The following PCDHA5 variants were observed in gnomAD, a reference collection of about 807,000 sequenced individuals.
PCDHA5 encodes protocadherin alpha 5, also known as protocadherin alpha-5.
PCDHA5 carries 43 observed loss-of-function variants against 61.6 expected under a neutral mutation model. That is an observed-to-expected ratio of 0.70 (90% CI 0.55 to 0.90). The LOEUF is 0.90. PCDHA5 is among the 40% of genes least tolerant of loss of function. The probability of loss-of-function intolerance (pLI) is 0.00; values close to 1 mark genes in which losing one functional copy is unlikely to be tolerated. For missense variants in PCDHA5, 1,298 were observed against 1,222.7 expected, an observed-to-expected ratio of 1.06 and a Z score of -0.92; for synonymous variants, 627 against 543.9, an observed-to-expected ratio of 1.15 and a Z score of -2.13.
chr5:140,863,416 C>A, intron 1 of PCDHA5: 6 of 719,752 alleles, frequency 8.3e-6, no homozygotes, highest in African/African-American at 1.8e-5. Flanking sequence ...GCTGGTGTAC[C>A]GCAGCGTAGT....
chr5:140,822,326 A>C lies in PCDHA5; in HGVS notation c.551A>C (p.Asn184Thr). 2 of 1,614,186 alleles carry C rather than the reference A, an allele frequency of 1.2e-6. No homozygotes were observed. The highest frequency in any genetic ancestry group is 2.2e-5 in the East Asian group (1 of 44,890). ...NEYFDLDVKTNEEETNFLELV... is the reference protein window; with the variant it reads ...NEYFDLDVKTTEEETNFLELV... ...TATTTTGACTTAGATGTTAAAACAA[A>C]TGAAGAAGAAACGAACTTTTTAGAG... The change falls in exon 1 of 4, where the codon AAT becomes ACT. Residue 184 changes from asparagine (N) to threonine (T), a missense_variant. By Grantham distance (65) the Asn-to-Thr change is moderately conservative (BLOSUM62 0). Transcript: ENST00000529859.
chr5:140,853,712 G>A (rs2042842322), intron 1 of PCDHA5: 2 of 988,190 alleles, frequency 2.0e-6, no homozygotes, highest in Non-Finnish European at 2.4e-6. Flanking sequence ...ATTAGCATTA[G>A]CAGCACCTAA....
At chr5:140,834,417 C>A (rs1772976539) in intron 1 of PCDHA5, 5 of 1,611,544 alleles carry the variant, frequency 3.1e-6, no homozygotes, top group Non-Finnish European at 3.4e-6. Flanking sequence ...CCCAGGGGGC[C>A]GACATCTACT....
chr5:140,921,213 G>T (rs759293646), intron 1 of PCDHA5, among the ~76,000 whole-genome samples: 1 of 151,496 alleles, frequency 6.6e-6, no homozygotes, highest in Admixed American at 6.6e-5. Flanking sequence ...GATAATTCAC[G>T]TCTTTTTTGC....
At chr5:140,884,871 A>T (rs1193714340) in intron 1 of PCDHA5, among the ~76,000 whole-genome samples, 1 of 152,210 alleles carries the variant, frequency 6.6e-6, no homozygotes, top group Non-Finnish European at 1.5e-5. Context: ...CCATAATGAA[A>T]TGTGCAAAAC....
chr5:140,829,207 T>C, intron 1 of PCDHA5: 2 of 1,614,192 alleles, frequency 1.2e-6, no homozygotes, highest in Non-Finnish European at 1.7e-6. Flanking sequence ...TCGCCCTAAT[T>C]AGCGTGAACG....
intron 3 of PCDHA5, among the ~76,000 whole-genome samples, chr5:140,999,672 C>T (rs2153958475): frequency 6.6e-6 from 1 of 152,214 alleles, no homozygotes; most frequent in South Asian, 2.1e-4. Context: ...TTGCGGGGGG[C>T]TCACAGAAAG....
intron 1 of PCDHA5, chr5:140,851,152 C>G (rs1379835863): frequency 1.5e-6 from 2 of 1,304,948 alleles, no homozygotes; most frequent in African/African-American, 3.1e-5. Flanking sequence ...CATTGAATTT[C>G]TGATGCTATG....
At chr5:140,903,714 A>G (rs1159490924) in intron 1 of PCDHA5, among the ~76,000 whole-genome samples, 3 of 152,324 alleles carry the variant, frequency 2.0e-5, no homozygotes, top group African/African-American at 2.4e-5. Context: ...AAAATATACA[A>G]TTCTCCCTAT....
chr5:140,843,088 C>A (rs1554139726), intron 1 of PCDHA5: 4 of 1,595,530 alleles, frequency 2.5e-6, no homozygotes, highest in African/African-American at 1.3e-5. Context: ...GCGCGGGCCA[C>A]GTGGTAGCGA....
At chr5:140,891,494 C>T (rs548491891) in intron 1 of PCDHA5, among the ~76,000 whole-genome samples, 1 of 151,678 alleles carries the variant, frequency 6.6e-6, no homozygotes, top group South Asian at 2.1e-4. Flanking sequence ...TGAGCATATC[C>T]TCAGCTATAA....
chr5:140,826,579 A>C (rs1440261492), intron 1 of PCDHA5, among the ~76,000 whole-genome samples: 2 of 152,178 alleles, frequency 1.3e-5, no homozygotes, highest in African/African-American at 4.8e-5. Context: ...TAATCACTTC[A>C]AATGGATAAC....
intron 1 of PCDHA5, among the ~76,000 whole-genome samples, chr5:140,838,075 ATAGTGTGTGTGT>A (rs1392208969): frequency 0.058 from 7,390 of 128,196 alleles, 326 homozygotes; most frequent in Middle Eastern, 0.092. Flanking sequence ...TTATATATAT[ATAGTGTGTGTGT>A]GTGTGTGTGT....
chr5:141,002,555 A>C (rs1349538713), intron 3 of PCDHA5, among the ~76,000 whole-genome samples: 1 of 152,222 alleles, frequency 6.6e-6, no homozygotes, highest in Admixed American at 6.5e-5. Context: ...CCCAGGATCC[A>C]CCAGTTAGTG....
At chr5:140,876,394 C>T in intron 1 of PCDHA5, 1 of 1,613,826 alleles carries the variant, frequency 6.2e-7, no homozygotes, top group Non-Finnish European at 8.5e-7. Flanking sequence ...TTATGGTGAA[C>T]TGGATTTTGA....
intron 3 of PCDHA5, among the ~76,000 whole-genome samples, chr5:140,996,991 T>C (rs191353108): frequency 1.6e-4 from 25 of 152,346 alleles, no homozygotes; most frequent in African/African-American, 5.3e-4. Flanking sequence ...GCAACCACTG[T>C]TAACAATTTT....
chr5:140,850,271 G>A, intron 1 of PCDHA5: 2 of 1,595,372 alleles, frequency 1.3e-6, no homozygotes, highest in Non-Finnish European at 1.7e-6. Context: ...TAGTGGTGGG[G>A]AAGGTGCGCG....
chr5:140,918,175 CT>C (rs1429626043), intron 1 of PCDHA5, among the ~76,000 whole-genome samples: 2 of 152,076 alleles, frequency 1.3e-5, no homozygotes, highest in Non-Finnish European at 2.9e-5. Context: ...GCATTGTGTT[CT>C]TGATTTGGCC....
chr5:140,966,161 CT>C, intron 1 of PCDHA5: 1 of 175,442 alleles, frequency 5.7e-6, no homozygotes. Context: ...GCTTGGAGAT[CT>C]TTTCCTGGGG....
Sources: gnomAD v4.1 joint callset for allele counts (sites outside exome capture counted in the v4.1 genomes callset) on GRCh38, gnomAD v4.1.1 for gene constraint, MANE v1.5 for transcripts, NCBI Gene and HGNC (gene_info 2026-07-23, HGNC 2026-07-21) for gene names.